The following RAB30 variants were observed in gnomAD, a reference collection of about 807,000 sequenced individuals.
The protein encoded by RAB30 is RAB30, member RAS oncogene family.
A neutral mutation model predicts 25.1 loss-of-function variants in RAB30; 9 were observed. The ratio of observed to expected loss-of-function variants is 0.36; its 90% CI spans 0.22 to 0.63. The LOEUF is 0.63. Among genes scored for constraint, RAB30 ranks in the 20% least tolerant of loss-of-function variants. The pLI, the probability that RAB30 is intolerant of heterozygous loss-of-function variation, is 0.69. For synonymous variants in RAB30, 77 were observed against 86.4 expected (o/e 0.89, Z 0.60); for missense variants, 140 against 243.5 (o/e 0.58, Z 2.83).
chr11:82,987,803 A>G, intron 3 of RAB30, 33 bp from the exon 4 acceptor site: 1 of 1,472,552 alleles, frequency 6.8e-7, no homozygotes, highest in Non-Finnish European at 9.2e-7. Flanking sequence ...TCAGGTGAAG[A>G]AGGATCAGGT....
At chr11:83,042,037 A>G (rs1858130369) in intron 1 of RAB30, among the ~76,000 whole-genome samples, 1 of 151,964 alleles carries the variant, frequency 6.6e-6, no homozygotes, top group Non-Finnish European at 1.5e-5. Context: ...CTCAAAAAAA[A>G]AAAAAAAAAA....
At chr11:83,006,250 G>A (rs1857182895) in intron 1 of RAB30, among the ~76,000 whole-genome samples, 1 of 152,066 alleles carries the variant, frequency 6.6e-6, no homozygotes, top group Admixed American at 6.6e-5. Flanking sequence ...TACTCACAAA[G>A]GCACATGTAG....
chr11:83,014,674 GA>G (rs1202952069), intron 1 of RAB30, among the ~76,000 whole-genome samples: 74 of 144,954 alleles, frequency 5.1e-4, no homozygotes, highest in African/African-American at 1.9e-3. Flanking sequence ...AAGAAAGAAA[GA>G]AAGAAAGAAA....
intron 1 of RAB30, among the ~76,000 whole-genome samples, chr11:83,024,196 A>G (rs1427202700): frequency 6.6e-6 from 1 of 152,218 alleles, no homozygotes; most frequent in Non-Finnish European, 1.5e-5. Flanking sequence ...TTCAAAGCTT[A>G]CCACAGGCAT....
At chr11:83,048,998 A>C (rs1227456359) in intron 1 of RAB30, among the ~76,000 whole-genome samples, 1 of 152,242 alleles carries the variant, frequency 6.6e-6, no homozygotes, top group Non-Finnish European at 1.5e-5. Flanking sequence ...GGTTAAAAAG[A>C]AACTTTTTAA....
intron 2 of RAB30, among the ~76,000 whole-genome samples, chr11:82,995,201 A>G (rs1359875678): frequency 6.6e-6 from 1 of 152,200 alleles, no homozygotes; most frequent in Non-Finnish European, 1.5e-5. Context: ...TCTGGCAACT[A>G]TGACTCAGAT....
At chr11:83,031,936 C>G (rs2121513903) in intron 1 of RAB30, among the ~76,000 whole-genome samples, 1 of 152,314 alleles carries the variant, frequency 6.6e-6, no homozygotes, top group South Asian at 2.1e-4. Context: ...TGCTCATCTC[C>G]ACACTATTTG....
At chr11:83,047,795 A>G (rs1312454103) in intron 1 of RAB30, among the ~76,000 whole-genome samples, 1 of 152,150 alleles carries the variant, frequency 6.6e-6, no homozygotes, top group Non-Finnish European at 1.5e-5. Context: ...ATTGCTAACA[A>G]TGAGTTCTGA....
chr11:83,010,867 TATAGAACATC>T (rs1489068685), intron 1 of RAB30, among the ~76,000 whole-genome samples: 1 of 152,212 alleles, frequency 6.6e-6, no homozygotes, highest in Non-Finnish European at 1.5e-5. Context: ...GAAAGTTCCA[TATAGAACATC>T]AACACCATGG....
At chr11:83,011,533 G>A (rs935072881) in intron 1 of RAB30, among the ~76,000 whole-genome samples, 1 of 152,132 alleles carries the variant, frequency 6.6e-6, no homozygotes. Context: ...CATAAGCCAA[G>A]AACATGGCGA....
intron 1 of RAB30, among the ~76,000 whole-genome samples, chr11:83,019,911 G>GA (rs945098781): frequency 6.6e-6 from 1 of 152,236 alleles, no homozygotes; most frequent in Non-Finnish European, 1.5e-5. Context: ...CCCCTAACTA[G>GA]AAAATGTGAA....
chr11:83,007,209 AC>A (rs559845101), intron 1 of RAB30, among the ~76,000 whole-genome samples: 101 of 152,330 alleles, frequency 6.6e-4, no homozygotes, highest in African/African-American at 2.2e-3. Context: ...TAAGATCTGC[AC>A]ATATAAATCT....
At chr11:83,019,139 G>T (rs954490545) in intron 1 of RAB30, among the ~76,000 whole-genome samples, 1 of 152,188 alleles carries the variant, frequency 6.6e-6, no homozygotes, top group Non-Finnish European at 1.5e-5. Context: ...TGATTCTCAT[G>T]CCTCAGCCTC....
At chr11:83,020,589 A>T (rs773350054) in intron 1 of RAB30, among the ~76,000 whole-genome samples, 20 of 152,324 alleles carry the variant, frequency 1.3e-4, no homozygotes, top group Non-Finnish European at 1.9e-4. Context: ...CCTTCAGGCC[A>T]GGGGAGCCTG....
intron 1 of RAB30, among the ~76,000 whole-genome samples, chr11:83,039,788 C>T (rs1858065442): frequency 6.6e-6 from 1 of 151,994 alleles, no homozygotes; most frequent in Non-Finnish European, 1.5e-5. Flanking sequence ...AAGACTTCCA[C>T]AGGAAGCAGA....
intron 1 of RAB30, among the ~76,000 whole-genome samples, chr11:83,024,887 A>G (rs1177444538): frequency 1.3e-5 from 2 of 152,198 alleles, no homozygotes; most frequent in Non-Finnish European, 2.9e-5. Flanking sequence ...TTGTTTGACT[A>G]CTAGTTAATT....
chr11:83,069,629 A>G (rs370311498), intron 1 of RAB30, among the ~76,000 whole-genome samples: 112 of 152,138 alleles, frequency 7.4e-4, no homozygotes, highest in African/African-American at 2.6e-3. Flanking sequence ...AGCAAGGATA[A>G]GGAAAAAAAA....
At chr11:83,068,629 T>G (rs892722426) in intron 1 of RAB30, among the ~76,000 whole-genome samples, 77 of 152,330 alleles carry the variant, frequency 5.1e-4, no homozygotes, top group African/African-American at 1.8e-3. Context: ...CATTCTAGTC[T>G]TTCTCCTCTT....
chr11:82,999,564 G>A (rs890582964), intron 1 of RAB30, among the ~76,000 whole-genome samples: 3 of 152,178 alleles, frequency 2.0e-5, no homozygotes, highest in African/African-American at 4.8e-5. Flanking sequence ...CCATGATCTG[G>A]TTCCTGCTGT....
Sources: gnomAD v4.1 joint callset for allele counts (sites outside exome capture counted in the v4.1 genomes callset) on GRCh38, gnomAD v4.1.1 for gene constraint, MANE v1.5 for transcripts, NCBI Gene and HGNC (gene_info 2026-07-23, HGNC 2026-07-21) for gene names.